DAGLB: variants seen among roughly 807,000 people sequenced by gnomAD.
DAGLB encodes diacylglycerol lipase beta.
A neutral mutation model predicts 72.1 loss-of-function variants in DAGLB; 66 were observed. That is an observed-to-expected ratio of 0.92 (90% CI 0.75 to 1.12). The LOEUF (loss-of-function observed/expected upper bound fraction) is 1.12. Ranked by LOEUF, DAGLB falls within the 50% of genes most tolerant of loss-of-function variation. DAGLB has a pLI of 0.00. For missense variants in DAGLB, 1,065 were observed against 884.9 expected (o/e 1.20, Z -2.58); for synonymous variants, 414 against 359.5 (o/e 1.15, Z -1.71).
chr7:6,437,814 G>C (rs1784711700), intron 2 of DAGLB, among the ~76,000 whole-genome samples: 1 of 151,966 alleles, frequency 6.6e-6, no homozygotes, highest in African/African-American at 2.4e-5. Flanking sequence ...GCTAATTTTT[G>C]TATTTTTAGT....
Position 6,415,650 on chromosome 7 carries a change from C to T in DAGLB, c.1427+977G>A, listed in dbSNP as rs562861271. 8.4e-3 allele frequency among the ~76,000 whole-genome samples: 1,272 copies of T among 151,592 alleles called. 24 individuals carry two copies. The highest frequency in any genetic ancestry group is 0.029 in the African/African-American group (1,218 of 41,378). ...CAGAAGACAGGAGATCGAGACCATC[C>T]TGGCTAACACGGTGAAACCCGTCTC... On this transcript the variant is annotated intron_variant, in intron 11 of 14. Coordinates refer to ENST00000297056, the MANE Select transcript of DAGLB (RefSeq NM_139179.4).
intron 2 of DAGLB, among the ~76,000 whole-genome samples, chr7:6,445,021 T>G (rs1469259418): frequency 6.6e-6 from 1 of 152,226 alleles, no homozygotes; most frequent in African/African-American, 2.4e-5. Context: ...AGAACCCTTA[T>G]ACACTGCTGG....
Position 6,445,874 on chromosome 7 carries a change from G to A in DAGLB, c.247+79C>T, listed in dbSNP as rs1784983378. ...CTGTTGAATTGGAAAGTTTACAGAA[G>A]TGAATTGTATGGTATGTGAATTATA... On this transcript the variant is annotated intron_variant, in intron 2 of 14. Transcript: ENST00000297056. The A allele has an allele frequency of 2.4e-5, 34 of 1,436,208 alleles. No homozygotes were observed. In the South Asian group the frequency reaches 4.3e-4, roughly 18 times the overall value. 89.0% of individuals were successfully genotyped at this position (1,436,208 alleles called of 1,614,324 possible).
At chr7:6,421,360 CGCAGGCA>C (rs1171458663) in intron 9 of DAGLB, among the ~76,000 whole-genome samples, 4 of 136,572 alleles carry the variant, frequency 2.9e-5, no homozygotes, top group Non-Finnish European at 6.4e-5. Flanking sequence ...GCGCGGGAGG[CGCAGGCA>C]GCGCGGGAGG....
chr7:6,431,275 C>T (rs902712043), intron 5 of DAGLB, among the ~76,000 whole-genome samples: 2 of 151,968 alleles, frequency 1.3e-5, no homozygotes, highest in African/African-American at 2.4e-5. Flanking sequence ...AGATACATAC[C>T]GTCTACGTGC....
intron 3 of DAGLB, chr7:6,435,447 C>G (rs1310402467): frequency 6.3e-6 from 1 of 158,998 alleles, no homozygotes; most frequent in African/African-American, 2.4e-5. Flanking sequence ...GGAGGCGCCA[C>G]TGCACTCCAG....
At chr7:6,411,318 A>AT (rs1783721034) in intron 13 of DAGLB, among the ~76,000 whole-genome samples, 1 of 151,700 alleles carries the variant, frequency 6.6e-6, no homozygotes, top group Non-Finnish European at 1.5e-5. Flanking sequence ...CTAGATACTA[A>AT]TTTCTAAAAA....
At chr7:6,440,621 G>A (rs974760578) in intron 2 of DAGLB, among the ~76,000 whole-genome samples, 1 of 152,144 alleles carries the variant, frequency 6.6e-6, no homozygotes, top group South Asian at 2.1e-4. Flanking sequence ...TGTCGGCCGG[G>A]TGCAGTAGCT....
At chr7:6,417,171 G>C (rs1783945887) in intron 9 of DAGLB, 1 of 456,036 alleles carries the variant, frequency 2.2e-6, no homozygotes, top group Non-Finnish European at 4.0e-6. Flanking sequence ...CAAGGCAGGA[G>C]GACACTTGAG....
In DAGLB at chr7:6,412,947, C is replaced by G; in HGVS notation, c.1496+19G>C. On this transcript the variant is annotated intron_variant, in intron 12 of 14. Coordinates refer to ENST00000297056, the MANE Select transcript of DAGLB (RefSeq NM_139179.4). ...ACTCCCAACCCCCCAGCCCTGGGCACAGCACCAGGTGGGCTTACCTGGGAA... is the reference window on the plus strand; with the variant it reads ...ACTCCCAACCCCCCAGCCCTGGGCAGAGCACCAGGTGGGCTTACCTGGGAA... 6.2e-7 allele frequency: 1 copy of G among 1,613,768 alleles called. No individual in the cohort carries two copies. The highest frequency in any genetic ancestry group is 8.5e-7 in the Non-Finnish European group (1 of 1,179,830).
chr7:6,423,997 C>A (rs546250276), intron 8 of DAGLB, among the ~76,000 whole-genome samples: 1 of 152,232 alleles, frequency 6.6e-6, no homozygotes, highest in East Asian at 1.9e-4. Context: ...CAGATGGCTC[C>A]TGAAGATGCA....
intron 9 of DAGLB, 135 bp from the exon 10 acceptor site, chr7:6,417,056 C>T (rs1413036073): frequency 1.5e-5 from 15 of 990,692 alleles, no homozygotes; most frequent in Non-Finnish European, 2.3e-5. Flanking sequence ...TCAGCAGCCA[C>T]GTCCATCGTG....
At chr7:6,411,011 A>C (rs936753705) in intron 13 of DAGLB, among the ~76,000 whole-genome samples, 1 of 151,466 alleles carries the variant, frequency 6.6e-6, no homozygotes, top group African/African-American at 2.4e-5. Flanking sequence ...CAGCCACCAG[A>C]GTAGCTGGGA....
At chr7:6,414,797 T>C (rs561375314) in intron 11 of DAGLB, among the ~76,000 whole-genome samples, 2 of 152,118 alleles carry the variant, frequency 1.3e-5, no homozygotes, top group East Asian at 1.9e-4. Flanking sequence ...GGAGAAACGG[T>C]TGATTCCAGA....
chr7:6,447,636 G>C (rs1192358710), intron 1 of DAGLB, 112 bp downstream of exon 1: 1 of 1,406,240 alleles, frequency 7.1e-7, no homozygotes. Flanking sequence ...CGTGGCCAGC[G>C]CTGGGACCGC....
Position 6,410,297 on chromosome 7 carries a change from G to A in DAGLB, c.1653C>T (p.Asp551=), listed in dbSNP as rs1583276643. Residue 551 remains aspartate (D), a synonymous_variant, in exon 14 of 15, where the codon GAC becomes GAT. Coordinates refer to ENST00000297056, the MANE Select transcript of DAGLB (RefSeq NM_139179.4). ...NNLPTELDGG[D]QEVLTQPLLG... is the part of the protein sequence containing the mutation. ...GAAGAGGCTGTGTCAGGACTTCCTG[G>A]TCGCCCCCGTCCAGCTCCGTGGGCA... 6.2e-7 allele frequency: 1 copy of A among 1,614,006 alleles called. No homozygotes were observed. Among genetic ancestry groups the A allele is most frequent in the Admixed American group, 1.7e-5 (1 of 59,992 alleles).
chr7:6,419,960 CAG>C (rs770377006), intron 9 of DAGLB, among the ~76,000 whole-genome samples: 1 of 152,084 alleles, frequency 6.6e-6, no homozygotes, highest in Non-Finnish European at 1.5e-5. Flanking sequence ...CTGGGCAACA[CAG>C]AGAGACCCCA....
intron 6 of DAGLB, among the ~76,000 whole-genome samples, chr7:6,428,293 C>G (rs1409541730): frequency 6.2e-5 from 8 of 129,782 alleles, no homozygotes; most frequent in Admixed American, 1.8e-4. Flanking sequence ...TTGCAGTGAG[C>G]CAGGATCCTG....
chr7:6,426,401 C>A (rs1784310610), intron 6 of DAGLB, among the ~76,000 whole-genome samples: 1 of 152,246 alleles, frequency 6.6e-6, no homozygotes, highest in African/African-American at 2.4e-5. Context: ...TCCTGAGTAG[C>A]TGGGATTACA....
Sources: allele counts gnomAD v4.1 joint callset (sites outside exome capture counted in the v4.1 genomes callset), GRCh38; gene constraint gnomAD v4.1.1; transcripts MANE v1.5; gene names NCBI Gene and HGNC (gene_info 2026-07-23, HGNC 2026-07-21).